NSD3: variants seen among roughly 807,000 people sequenced by gnomAD.
NSD3 encodes the protein nuclear receptor binding SET domain protein 3, also known as histone-lysine N-methyltransferase NSD3.
Under a neutral mutation model 160.8 loss-of-function variants are expected in NSD3, and 24 were observed. The ratio of observed to expected loss-of-function variants is 0.15; its 90% CI spans 0.11 to 0.21. NSD3 has a LOEUF of 0.21. Ranked by LOEUF, NSD3 falls within the 10% of genes least tolerant of loss-of-function variation. The pLI is 1.00. For synonymous variants in NSD3, 520 were observed against 600.0 expected, an observed-to-expected ratio of 0.87 and a Z score of 1.95; for missense variants, 1,157 against 1,735.9, an observed-to-expected ratio of 0.67 and a Z score of 5.93.
intron 16 of NSD3, among the ~76,000 whole-genome samples, chr8:38,293,536 G>C (rs1225846299): frequency 6.6e-6 from 1 of 151,676 alleles, no homozygotes; most frequent in Non-Finnish European, 1.5e-5. Flanking sequence ...GCAACAGAGC[G>C]AGACCCTGTC....
At chr8:38,345,120 G>A (rs780330178) in intron 2 of NSD3, among the ~76,000 whole-genome samples, 11 of 152,056 alleles carry the variant, frequency 7.2e-5, no homozygotes, top group East Asian at 3.8e-4. Context: ...AACTGCCCCC[G>A]TGTGTGATAC....
At chr8:38,352,696 T>C (rs2150386563) in intron 1 of NSD3, among the ~76,000 whole-genome samples, 1 of 152,072 alleles carries the variant, frequency 6.6e-6, no homozygotes, top group East Asian at 1.9e-4. Flanking sequence ...CAGCCTTGAC[T>C]TCCTGGGTTC....
Position 38,271,862 on chromosome 8 carries a change from A to T in NSD3, c.*3779T>A, listed in dbSNP as rs1808491806. The T allele has an allele frequency of 6.6e-6, 1 of 152,244 alleles. No individual in the cohort carries two copies. The allele number at this position is 152,244 out of a possible 1,614,324, so 9.4% of individuals were successfully genotyped here. On this transcript the variant is annotated 3_prime_UTR_variant, in exon 24 of 24. Coordinates refer to ENST00000317025, the MANE Select transcript of NSD3 (RefSeq NM_023034.2). Reference sequence around the variant, plus strand: ...AAGAGGACATGGCATGTGGCAGCCAACACCTTGACTTCAAGGTGAATGCTA... The same window carrying T: ...AAGAGGACATGGCATGTGGCAGCCATCACCTTGACTTCAAGGTGAATGCTA...
chr8:38,354,732 GA>G (rs745424662), intron 1 of NSD3, among the ~76,000 whole-genome samples: 1,864 of 145,156 alleles, frequency 0.013, 19 homozygotes, highest in Non-Finnish European at 0.018. Flanking sequence ...AAAGTTCGGG[GA>G]AAAAAAAAAC....
chr8:38,281,727 G>A, intron 19 of NSD3, 144 bp from the exon 20 acceptor site: 1 of 483,658 alleles, frequency 2.1e-6, no homozygotes, highest in Non-Finnish European at 3.6e-6. Flanking sequence ...TTTATTCATA[G>A]GCATTCAGGT....
intron 1 of NSD3, among the ~76,000 whole-genome samples, chr8:38,378,884 T>C (rs1224800545): frequency 6.8e-6 from 1 of 146,380 alleles, no homozygotes; most frequent in Admixed American, 6.8e-5. Context: ...TAAAAGGAAA[T>C]CATGCATGTG....
intron 1 of NSD3, among the ~76,000 whole-genome samples, chr8:38,365,754 T>TA (rs1442294571): frequency 2.6e-5 from 4 of 152,040 alleles, no homozygotes; most frequent in African/African-American, 9.7e-5. Flanking sequence ...CTTAGATTCT[T>TA]ATTAAAAAAC....
In NSD3 at chr8:38,381,980, G is replaced by A. The variant is rs1204964690; in HGVS notation, c.-226C>T. On this transcript the variant is annotated 5_prime_UTR_variant, in exon 1 of 24. Transcript: ENST00000317025. ...TCCCCGCGCCGGACGCCTCTGCCAT[G>A]GCGGCCGGCACTGAGGAGGGCCACG... 3 of 152,602 alleles carry A rather than the reference G, an allele frequency of 2.0e-5. No homozygotes were observed. Among genetic ancestry groups the A allele is most frequent in the Non-Finnish European group, 2.9e-5 (2 of 68,090 alleles). The allele number at this position is 152,602 out of a possible 1,614,324, so 9.5% of individuals were successfully genotyped here.
intron 1 of NSD3, among the ~76,000 whole-genome samples, chr8:38,354,754 G>C (rs1810781989): frequency 6.6e-6 from 1 of 152,042 alleles, no homozygotes. Context: ...AAATGATTTG[G>C]CTAGTGTTTG....
chr8:38,348,279 TGAA>T (rs1267757520), intron 1 of NSD3, 64 bp from the exon 2 acceptor site: 4 of 1,289,402 alleles, frequency 3.1e-6, no homozygotes, highest in Non-Finnish European at 4.2e-6. Flanking sequence ...GCTAATCAAC[TGAA>T]AAAGGATTAA....
chr8:38,282,408 C>T (rs184075153), intron 19 of NSD3, among the ~76,000 whole-genome samples: 27 of 152,358 alleles, frequency 1.8e-4, no homozygotes, highest in South Asian at 1.5e-3. Flanking sequence ...CCGTGGCTCA[C>T]GCCTGTAATC....
At chr8:38,323,332 A>C (rs1056015066) in intron 7 of NSD3, among the ~76,000 whole-genome samples, 2 of 152,162 alleles carry the variant, frequency 1.3e-5, no homozygotes, top group Non-Finnish European at 1.5e-5. Flanking sequence ...CTGGGATTAC[A>C]GGTGTGAGCC....
intron 1 of NSD3, among the ~76,000 whole-genome samples, chr8:38,374,161 T>C (rs1030124388): frequency 2.0e-5 from 3 of 150,920 alleles, no homozygotes; most frequent in Non-Finnish European, 3.0e-5. Context: ...TGTGTAGTCA[T>C]AGCTACTCCA....
chr8:38,341,684 G>C (rs1347856097), intron 2 of NSD3, among the ~76,000 whole-genome samples: 3 of 152,138 alleles, frequency 2.0e-5, no homozygotes, highest in Non-Finnish European at 4.4e-5. Flanking sequence ...GTGCACAGTG[G>C]TTCACACCTA....
At chr8:38,303,153 A>G (rs564968084) in intron 14 of NSD3, 9 of 861,730 alleles carry the variant, frequency 1.0e-5, no homozygotes, top group Middle Eastern at 6.0e-4. Flanking sequence ...TTGCAAAGCA[A>G]TAAGAGACTT....
chr8:38,339,947 T>A (rs1810319677), intron 2 of NSD3, among the ~76,000 whole-genome samples: 1 of 152,206 alleles, frequency 6.6e-6, no homozygotes, highest in Non-Finnish European at 1.5e-5. Flanking sequence ...TCTTCCAATT[T>A]TTTATTTAAA....
rs1449130640 is a variant in NSD3 at position 38,334,933 on chromosome 8, G to T, written c.910+2372C>A. Among the ~76,000 whole-genome samples the T allele has an allele frequency of 3.3e-5, 5 of 151,032 alleles. No homozygotes were observed. In the East Asian group the frequency reaches 9.7e-4, roughly 29 times the overall value. ...TCTGGTAGTAATATAAACAAAATCG[G>T]TTTTTCCAGCACTAAAGTAGGAAAC... is the stretch of plus-strand genomic sequence containing the variant. On this transcript the variant is annotated intron_variant, in intron 4 of 23. Coordinates refer to ENST00000317025, the MANE Select transcript of NSD3 (RefSeq NM_023034.2).
At chr8:38,351,491 C>T (rs1044411265) in intron 1 of NSD3, among the ~76,000 whole-genome samples, 3 of 151,142 alleles carry the variant, frequency 2.0e-5, no homozygotes, top group Non-Finnish European at 3.0e-5. Context: ...AGTGAAACCC[C>T]GTCTCTGCTA....
At chr8:38,378,583 A>C (rs1174714576) in intron 1 of NSD3, among the ~76,000 whole-genome samples, 1 of 152,220 alleles carries the variant, frequency 6.6e-6, no homozygotes, top group Non-Finnish European at 1.5e-5. Context: ...CGGAGCTTGC[A>C]GTGAGCCAAG....
Sources: gnomAD v4.1 joint callset for allele counts (sites outside exome capture counted in the v4.1 genomes callset) on GRCh38, gnomAD v4.1.1 for gene constraint, MANE v1.5 for transcripts, NCBI Gene and HGNC (gene_info 2026-07-23, HGNC 2026-07-21) for gene names.